Variants in NUCB1 observed in about 807,000 individuals in gnomAD.
NUCB1 encodes the protein nucleobindin-1.
In NUCB1, 47 loss-of-function variants were observed where a neutral mutation model predicts 61.2. The ratio of observed to expected loss-of-function variants is 0.77; its 90% CI spans 0.61 to 0.98. NUCB1 has a LOEUF of 0.98. NUCB1 is among the 50% of genes least tolerant of loss of function. The probability of loss-of-function intolerance (pLI) is 0.00; values close to 1 mark genes in which losing one functional copy is unlikely to be tolerated. For missense variants in NUCB1, 583 were observed against 605.3 expected (o/e 0.96, Z 0.39); for synonymous variants, 234 against 243.1 (o/e 0.96, Z 0.35).
Position 48,900,794 on chromosome 19 carries a change from G to T in NUCB1, c.-3G>T. The T allele has an allele frequency of 6.2e-7, 1 of 1,613,714 alleles. No individual in the cohort carries two copies. The highest frequency in any genetic ancestry group is 1.3e-5 in the African/African-American group (1 of 75,062). On this transcript the variant is annotated 5_prime_UTR_variant, in exon 2 of 13. Coordinates refer to ENST00000405315, the MANE Select transcript of NUCB1 (RefSeq NM_006184.6). The stretch of plus-strand genomic sequence containing the variant: ...CCCTCCATCCCCCACAGACCACACT[G>T]CCATGCCTCCCTCTGGGCCCCGAGG...
At chr19:48,920,911 C>A (rs766238655) in intron 10 of NUCB1, among the ~76,000 whole-genome samples, 1 of 152,112 alleles carries the variant, frequency 6.6e-6, no homozygotes, top group Non-Finnish European at 1.5e-5. Context: ...GAACTCCTGG[C>A]GTCAAGTGAT....
rs1197933091 is a variant in NUCB1 at position 48,921,845 on chromosome 19, C to T, written c.1192C>T (p.Gln398Ter). Residue 398 changes from glutamine (Q) to a stop codon, truncating the protein, a stop_gained, in exon 12 of 13, where the codon CAG becomes TAG. Coordinates refer to ENST00000405315, the MANE Select transcript of NUCB1 (RefSeq NM_006184.6). LOFTEE classifies it high-confidence loss of function. Reference sequence around the variant, plus strand: ...CCCACAGGCTGTGCTGCACATGGAGCAGCGGAAGCAGCAGCAGCAGCAGCA... The same window carrying T: ...CCCACAGGCTGTGCTGCACATGGAGTAGCGGAAGCAGCAGCAGCAGCAGCA... ...ELQQAVLHME[Q>*]RKQQQQQQQG... The T allele has an allele frequency of 5.6e-6, 9 of 1,612,456 alleles. No individual in the cohort carries two copies. Among genetic ancestry groups the T allele is most frequent in the Non-Finnish European group, 7.6e-6 (9 of 1,179,986 alleles).
chr19:48,919,171 C>G, intron 9 of NUCB1, 23 bp from the exon 10 acceptor site: 1 of 1,613,950 alleles, frequency 6.2e-7, no homozygotes, highest in South Asian at 1.1e-5. Flanking sequence ...AGCTCTGTCA[C>G]TCACCCTTAT....
intron 10 of NUCB1, among the ~76,000 whole-genome samples, 184 bp from the exon 11 acceptor site, chr19:48,920,970 T>C (rs1185205473): frequency 2.0e-5 from 3 of 152,326 alleles, no homozygotes; most frequent in Non-Finnish European, 4.4e-5. Flanking sequence ...GTGGGAGCCA[T>C]GGTGCCCGGC....
rs1038227593 is a variant in NUCB1, at chr19:48,922,718, CCG to C, written c.*295_*296del. The C allele has an allele frequency of 3.8e-5, 14 of 369,132 alleles. No homozygotes were observed. The highest frequency in any genetic ancestry group is 2.5e-4 in the African/African-American group (12 of 47,730). 22.9% of individuals were successfully genotyped at this position (369,132 alleles called of 1,614,324 possible). A position where few individuals can be genotyped will look rare whatever the true frequency, so the allele number is the denominator to read the frequency against. On this transcript the variant is annotated 3_prime_UTR_variant, in exon 13 of 13. Coordinates refer to ENST00000405315, the MANE Select transcript of NUCB1 (RefSeq NM_006184.6). ...AGAGAAGCCCGCCCCCTCCCCTTCT[CCG>C]TCTGTCCCAAGAGGGTCTGCTCTGA...
At chr19:48,921,976 C>A in intron 12 of NUCB1, 44 bp downstream of exon 12, 2 of 1,472,874 alleles carry the variant, frequency 1.4e-6, no homozygotes, top group Admixed American at 2.0e-5. Flanking sequence ...GGGCTGGACC[C>A]CTGGGTCTGA....
At chr19:48,922,068 G>T in intron 12 of NUCB1, 136 bp downstream of exon 12, 1 of 762,144 alleles carries the variant, frequency 1.3e-6, no homozygotes, top group Non-Finnish European at 2.1e-6. Flanking sequence ...AGGGAAGAGG[G>T]ACTGGGGGTC....
Position 48,921,898 on chromosome 19 carries a change from C to A in NUCB1, c.1245C>A (p.His415Gln). 1 of 1,610,712 alleles carries A rather than the reference C, an allele frequency of 6.2e-7. No homozygotes were observed. Among genetic ancestry groups the A allele is most frequent in the Non-Finnish European group, 8.5e-7 (1 of 1,178,948 alleles). ...QQQGHKAPAA[H>Q]PEGQLKFHPD... The stretch of plus-strand genomic sequence containing the variant: ...AAGGCCACAAGGCCCCGGCTGCCCA[C>A]CCTGAGGGGCAGCTCAAGTTCCACC... The change falls in exon 12 of 13, where the codon CAC becomes CAA. Residue 415 changes from histidine (H) to glutamine (Q), a missense_variant. His to Gln is a conservative substitution (Grantham distance 24). Coordinates refer to ENST00000405315, the MANE Select transcript of NUCB1 (RefSeq NM_006184.6).
intron 5 of NUCB1, among the ~76,000 whole-genome samples, chr19:48,912,792 A>C (rs1234013772): frequency 1.3e-5 from 2 of 148,566 alleles, no homozygotes; most frequent in African/African-American, 2.5e-5. Flanking sequence ...GGCAGTGAGC[A>C]GAGATTGTGC....
In NUCB1 at chr19:48,904,009, TATGTATGGATGGGTGGGTGGG is replaced by T. The variant is rs1487650727; in HGVS notation, c.136-325_136-305del. On this transcript the variant is annotated intron_variant, in intron 2 of 12. Transcript: ENST00000405315. ...GGTGGATAGATGGGTGGGTAGGATGTATGTATGGATGGGTGGGTGGGATGTATGGATGGATGGGTGGGTGGA... is the reference window on the plus strand; with the variant it reads ...GGTGGATAGATGGGTGGGTAGGATGTATGTATGGATGGATGGGTGGGTGGA... Among the ~76,000 whole-genome samples, 154 of 108,934 alleles carry T rather than the reference TATGTATGGATGGGTGGGTGGG, an allele frequency of 1.4e-3. 1 individual carries two copies. Among genetic ancestry groups the T allele is most frequent in the African/African-American group, 5.0e-3 (136 of 27,142 alleles). The allele number at this position is 108,934 out of a possible 152,430, so 71.5% of individuals were successfully genotyped here.
rs907695350 is a variant in NUCB1 at position 48,921,431 on chromosome 19, A to T, written c.1173+107A>T. 10 of 1,263,280 alleles carry T rather than the reference A, an allele frequency of 7.9e-6. No homozygotes were observed. The African/African-American group carries it at 1.5e-4, about 19-fold the overall frequency. 78.3% of individuals were successfully genotyped at this position (1,263,280 alleles called of 1,614,324 possible). ...AAGGCCTGTGGCCACCATGTTAATC[A>T]CTGGGGGAGCCTCAAGTATTCACCG... is the stretch of plus-strand genomic sequence containing the variant. On this transcript the variant is annotated intron_variant, in intron 11 of 12. Coordinates refer to ENST00000405315, the MANE Select transcript of NUCB1 (RefSeq NM_006184.6).
chr19:48,911,146 C>A lies in NUCB1; in HGVS notation c.377-3C>A. The A allele has an allele frequency of 6.2e-7, 1 of 1,607,626 alleles. No individual in the cohort carries two copies. Among genetic ancestry groups the A allele is most frequent in the Non-Finnish European group, 8.5e-7 (1 of 1,174,496 alleles). Reference sequence around the variant, plus strand: ...AGGTGTTGGACTCTTCCCTCTCTTCCAGATGTACAGGTGGATCATCTGAAT... The same window carrying A: ...AGGTGTTGGACTCTTCCCTCTCTTCAAGATGTACAGGTGGATCATCTGAAT... On this transcript the variant is annotated splice_polypyrimidine_tract_variant and splice_region_variant and intron_variant, in intron 4 of 12. Transcript: ENST00000405315.
chr19:48,915,563 G>A (rs781178245), intron 7 of NUCB1, among the ~76,000 whole-genome samples: 1 of 152,050 alleles, frequency 6.6e-6, no homozygotes, highest in Non-Finnish European at 1.5e-5. Context: ...CTCAGGTAGT[G>A]ACGTGTACTA....
chr19:48,919,387 C>T (rs2037580740), intron 10 of NUCB1, 101 bp downstream of exon 10: 9 of 814,766 alleles, frequency 1.1e-5, no homozygotes, highest in South Asian at 5.1e-5. Flanking sequence ...TCTGGGTCCC[C>T]GTCCATTCTC....
chr19:48,900,715 A>C, intron 1 of NUCB1, 71 bp from the exon 2 acceptor site: 1 of 1,548,246 alleles, frequency 6.5e-7, no homozygotes, highest in Non-Finnish European at 8.7e-7. Context: ...GGGGGCCCGA[A>C]CTCCTGGTTC....
rs1305414407 is a variant in NUCB1, at chr19:48,919,017, C to G, written c.817-13C>G. On this transcript the variant is annotated splice_polypyrimidine_tract_variant and intron_variant, in intron 8 of 12. Coordinates refer to ENST00000405315, the MANE Select transcript of NUCB1 (RefSeq NM_006184.6). ...ACCTCTCAATGCTGTCTGCCTCTCG[C>G]TTGCTCCTGCAGCTGGAGAAAGTGT... The G allele has an allele frequency of 1.9e-6, 3 of 1,612,644 alleles. No individual in the cohort carries two copies. Among genetic ancestry groups the G allele is most frequent in the Admixed American group, 1.7e-5 (1 of 59,884 alleles).
intron 2 of NUCB1, 95 bp from the exon 3 acceptor site, chr19:48,904,252 C>T: frequency 2.7e-6 from 2 of 744,320 alleles, no homozygotes; most frequent in Non-Finnish European, 4.7e-6. Context: ...AGTCCCTTGT[C>T]AGCTGCCCCA....
intron 6 of NUCB1, 136 bp downstream of exon 6, chr19:48,913,332 A>C (rs528961214): frequency 6.2e-5 from 75 of 1,210,878 alleles, no homozygotes; most frequent in Non-Finnish European, 7.2e-5. Flanking sequence ...TGGCTGCCCC[A>C]GGGTCTGCTG....
intron 10 of NUCB1, among the ~76,000 whole-genome samples, chr19:48,920,450 C>T (rs1035882847): frequency 6.6e-6 from 1 of 152,124 alleles, no homozygotes; most frequent in African/African-American, 2.4e-5. Flanking sequence ...CCTTAGCCTC[C>T]TGAGTAACTG....
Sources: allele counts gnomAD v4.1 joint callset (sites outside exome capture counted in the v4.1 genomes callset), GRCh38; gene constraint gnomAD v4.1.1; transcripts MANE v1.5; gene names NCBI Gene and HGNC (gene_info 2026-07-23, HGNC 2026-07-21).